The following NF1 variants were observed in gnomAD, a reference collection of about 807,000 sequenced individuals.
NF1 encodes the protein neurofibromin 1.
A neutral mutation model predicts 325.7 loss-of-function variants in NF1; 122 were observed. That is an observed-to-expected ratio of 0.37 (90% CI 0.32 to 0.44). NF1 has a LOEUF of 0.44. Ranked by LOEUF, NF1 falls within the 20% of genes least tolerant of loss-of-function variation. The probability of loss-of-function intolerance (pLI) is 1.00; values close to 1 mark genes in which losing one functional copy is unlikely to be tolerated. For synonymous variants in NF1, 1,091 were observed against 1,186.0 expected (o/e 0.92, Z 1.65); for missense variants, 2,140 against 3,415.4 (o/e 0.63, Z 9.31).
At chr17:31,109,437 G>A (rs1451471976) in intron 1 of NF1, among the ~76,000 whole-genome samples, 1 of 151,182 alleles carries the variant, frequency 6.6e-6, no homozygotes, top group Non-Finnish European at 1.5e-5. Context: ...AGGCTGGAGT[G>A]CAATGGCGCG....
intron 29 of NF1, among the ~76,000 whole-genome samples, chr17:31,245,333 T>C (rs994432719): frequency 2.0e-5 from 3 of 152,212 alleles, no homozygotes; most frequent in African/African-American, 7.2e-5. Flanking sequence ...CAAGTTCATT[T>C]TCCTCCTCTG....
intron 36 of NF1, chr17:31,317,973 T>A (rs2151525895): frequency 4.1e-6 from 1 of 244,176 alleles, no homozygotes; most frequent in African/African-American, 2.3e-5. Flanking sequence ...CAGACAAAGA[T>A]CATCTAACCA....
At chr17:31,293,265 G>A (rs1428324676) in intron 36 of NF1, among the ~76,000 whole-genome samples, 1 of 144,416 alleles carries the variant, frequency 6.9e-6, no homozygotes, top group African/African-American at 2.5e-5. Context: ...TAAGACACAA[G>A]TATGTGGTAG....
chr17:31,295,811 A>G (rs1326493524), intron 36 of NF1: 1 of 1,614,102 alleles, frequency 6.2e-7, no homozygotes, highest in Non-Finnish European at 8.5e-7. Context: ...ATTATTAGAC[A>G]GGTCCACGAT....
Position 31,226,388 on chromosome 17 carries a change from A to T in NF1, c.2002-47A>T, listed in dbSNP as rs973119442. The T allele has an allele frequency of 1.9e-6, 3 of 1,594,988 alleles. No homozygotes were observed. The African/African-American group carries it at 4.2e-5, about 22-fold the overall frequency. On this transcript the variant is annotated intron_variant, in intron 17 of 57. Coordinates refer to ENST00000358273, the MANE Select transcript of NF1 (RefSeq NM_001042492.3). ...TATTGCATTGTTAGATTTTATACAT[A>T]AAATTACCCAAGTTGCAAATATATG...
chr17:31,370,087 C>G (rs1048461403), intron 57 of NF1, among the ~76,000 whole-genome samples: 1 of 152,052 alleles, frequency 6.6e-6, no homozygotes, highest in East Asian at 1.9e-4. Flanking sequence ...TGAAGTTGAA[C>G]TTAGGAATCA....
intron 1 of NF1, among the ~76,000 whole-genome samples, chr17:31,154,474 A>G (rs1917179062): frequency 6.6e-6 from 1 of 152,150 alleles, no homozygotes. Flanking sequence ...AGATGTTTCT[A>G]AGGGAAATAA....
intron 29 of NF1, among the ~76,000 whole-genome samples, chr17:31,236,450 A>C (rs1462098063): frequency 6.6e-6 from 1 of 151,842 alleles, no homozygotes; most frequent in Non-Finnish European, 1.5e-5. Flanking sequence ...TCATTTTTTT[A>C]AAAATTTGAG....
In NF1 at chr17:31,169,176, T is replaced by C. The variant is rs562246076; in HGVS notation, c.480-715T>C. On this transcript the variant is annotated intron_variant, in intron 4 of 57. Coordinates refer to ENST00000358273, the MANE Select transcript of NF1 (RefSeq NM_001042492.3). ...TTTTTGACAGTTGAGATGCCTAAAG[T>C]GCATACCTGTGTGATATTTGACATG... is the stretch of plus-strand genomic sequence containing the variant. Among the ~76,000 whole-genome samples, 13 of 152,294 alleles carry C rather than the reference T, an allele frequency of 8.5e-5. No homozygotes were observed. In the East Asian group the frequency reaches 2.3e-3, roughly 27 times the overall value.
Position 31,357,891 on chromosome 17 carries a change from G to A in NF1, c.7970+522G>A, listed in dbSNP as rs951091134. ...ATTTTCTTTTTTTAATCTCATGTTAGAATTTTAGAGAGTTAGAACTCAGTT... is the reference window on the plus strand; with the variant it reads ...ATTTTCTTTTTTTAATCTCATGTTAAAATTTTAGAGAGTTAGAACTCAGTT... On this transcript the variant is annotated intron_variant, in intron 54 of 57. Coordinates refer to ENST00000358273, the MANE Select transcript of NF1 (RefSeq NM_001042492.3). 36 of 164,494 alleles carry A rather than the reference G, an allele frequency of 2.2e-4. 1 individual carries two copies. In the East Asian group the frequency reaches 6.2e-3, roughly 29 times the overall value. 10.2% of individuals were successfully genotyped at this position (164,494 alleles called of 1,614,324 possible).
chr17:31,215,501 G>A (rs2066805111), intron 13 of NF1, among the ~76,000 whole-genome samples: 1 of 151,974 alleles, frequency 6.6e-6, no homozygotes, highest in Non-Finnish European at 1.5e-5. Context: ...TGATATATTG[G>A]GATCATAATA....
In NF1 at chr17:31,095,242, C is replaced by G. The variant is rs1017942341; in HGVS notation, c.-68C>G. 2 of 1,456,422 alleles carry G rather than the reference C, an allele frequency of 1.4e-6. No individual in the cohort carries two copies. The highest frequency in any genetic ancestry group is 1.9e-6 in the Non-Finnish European group (2 of 1,076,074). 90.2% of individuals were successfully genotyped at this position (1,456,422 alleles called of 1,614,324 possible). ...CTTCCCTCACCTCAGCCTCCGCTCC[C>G]CGCCCTCTTCCCGGCCCAGGGCGCC... On this transcript the variant is annotated 5_prime_UTR_variant, in exon 1 of 58. Transcript: ENST00000358273.
At chr17:31,112,242 A>T (rs1444253169) in intron 1 of NF1, among the ~76,000 whole-genome samples, 1 of 152,184 alleles carries the variant, frequency 6.6e-6, no homozygotes, top group Non-Finnish European at 1.5e-5. Flanking sequence ...AGTTGTCTTG[A>T]AGATTCATAT....
At chr17:31,308,740 C>A (rs1945357865) in intron 36 of NF1, among the ~76,000 whole-genome samples, 1 of 152,028 alleles carries the variant, frequency 6.6e-6, no homozygotes, top group African/African-American at 2.4e-5. Context: ...CCTTCTTAAC[C>A]CAAGTTCTCT....
chr17:31,270,460 A>AT (rs773046962), intron 36 of NF1, among the ~76,000 whole-genome samples: 2 of 152,140 alleles, frequency 1.3e-5, no homozygotes, highest in Non-Finnish European at 2.9e-5. Context: ...GAATACAAAA[A>AT]TCAGCCGTAC....
chr17:31,373,858 G>A (rs2070691418), intron 57 of NF1, among the ~76,000 whole-genome samples, 155 bp from the exon 58 acceptor site: 1 of 152,216 alleles, frequency 6.6e-6, no homozygotes, highest in African/African-American at 2.4e-5. Flanking sequence ...TGCTATCTAA[G>A]TTCATGTAAG....
In NF1 at chr17:31,357,305, C is replaced by T. The variant is rs567988442; in HGVS notation, c.7906C>T (p.Gln2636Ter). 1 of 1,613,986 alleles carries T rather than the reference C, an allele frequency of 6.2e-7. No homozygotes were observed. Among genetic ancestry groups the T allele is most frequent in the Middle Eastern group, 1.6e-4 (1 of 6,062 alleles). The part of the protein sequence containing the change: ...LVKYTTDEFD[Q>*]RILYEYLAEA... ...AAAATATACCACAGATGAGTTTGAT[C>T]AACGAATTCTTTATGAATACTTAGC... Residue 2636 changes from glutamine (Q) to a stop codon, truncating the protein, a stop_gained, in exon 54 of 58, where the codon CAA becomes TAA. Transcript: ENST00000358273. LOFTEE classifies it high-confidence loss of function.
Position 31,295,510 on chromosome 17 carries a change from G to A in NF1, c.4835+30171G>A, listed in dbSNP as rs2068444690. The stretch of plus-strand genomic sequence containing the variant: ...TCCCACTTACAGTGAATAAGCTTGA[G>A]GTAAATCCAGAAGGTGTGGGATACA... On this transcript the variant is annotated intron_variant, in intron 36 of 57. Transcript: ENST00000358273. 4 of 1,614,014 alleles carry A rather than the reference G, an allele frequency of 2.5e-6. No homozygotes were observed. The South Asian group carries it at 3.3e-5, about 13-fold the overall frequency.
intron 29 of NF1, among the ~76,000 whole-genome samples, chr17:31,246,015 C>G (rs1442211995): frequency 2.0e-5 from 3 of 152,058 alleles, no homozygotes; most frequent in South Asian, 2.1e-4. Context: ...TCCAGAGATT[C>G]CAAGGGTTTT....
Sources: gnomAD v4.1 joint callset for allele counts (sites outside exome capture counted in the v4.1 genomes callset) on GRCh38, gnomAD v4.1.1 for gene constraint, MANE v1.5 for transcripts, NCBI Gene and HGNC (gene_info 2026-07-23, HGNC 2026-07-21) for gene names.